The following FHOD3 variants were observed in gnomAD, a reference collection of about 807,000 sequenced individuals.
FHOD3 encodes FH1/FH2 domain-containing protein 3.
Under a neutral mutation model 173.0 loss-of-function variants are expected in FHOD3, and 90 were observed. That is an observed-to-expected ratio of 0.52 (90% CI 0.44 to 0.62). The LOEUF (loss-of-function observed/expected upper bound fraction) is 0.62. FHOD3 is among the 20% of genes least tolerant of loss of function. The pLI, the probability that FHOD3 is intolerant of heterozygous loss-of-function variation, is 0.00. For missense variants in FHOD3, 1,945 were observed against 2,034.7 expected (o/e 0.96, Z 0.85); for synonymous variants, 828 against 823.0 (o/e 1.01, Z -0.10).
At chr18:36,356,047 T>C (rs1261932343) in intron 2 of FHOD3, among the ~76,000 whole-genome samples, 1 of 152,184 alleles carries the variant, frequency 6.6e-6, no homozygotes, top group Non-Finnish European at 1.5e-5. Context: ...CAGTAAGTCA[T>C]GATTGTGCCA....
chr18:36,311,002 A>C (rs2092243661), intron 1 of FHOD3, among the ~76,000 whole-genome samples: 1 of 152,170 alleles, frequency 6.6e-6, no homozygotes, highest in Non-Finnish European at 1.5e-5. Flanking sequence ...ATAAAAAATT[A>C]TTTTCATTTC....
At chr18:36,744,219 G>A (rs367811467) in intron 23 of FHOD3, 26 bp downstream of exon 23, 351 of 1,594,038 alleles carry the variant, frequency 2.2e-4, no homozygotes, top group Non-Finnish European at 1.8e-4. Context: ...CTGAGGAGTG[G>A]GCCTGGTCTC....
intron 3 of FHOD3, among the ~76,000 whole-genome samples, chr18:36,453,581 A>G (rs988335919): frequency 1.2e-4 from 18 of 152,242 alleles, no homozygotes; most frequent in African/African-American, 4.3e-4. Context: ...CCCTGTGGGG[A>G]CATGAATGTC....
chr18:36,575,269 C>A (rs1374200452), intron 5 of FHOD3, among the ~76,000 whole-genome samples: 1 of 152,208 alleles, frequency 6.6e-6, no homozygotes, highest in East Asian at 1.9e-4. Context: ...CTGTGCCCAG[C>A]CACTAATGTA....
chr18:36,709,639 C>A, intron 18 of FHOD3: 2 of 485,642 alleles, frequency 4.1e-6, no homozygotes, highest in Non-Finnish European at 7.3e-6. Flanking sequence ...CACCTCCACA[C>A]CTGGGGAAAA....
intron 14 of FHOD3, among the ~76,000 whole-genome samples, chr18:36,672,119 T>A (rs2037571587): frequency 6.6e-6 from 1 of 152,208 alleles, no homozygotes; most frequent in Non-Finnish European, 1.5e-5. Flanking sequence ...CAGTGGTATA[T>A]GAGTTTTGCT....
At chr18:36,596,613 G>A (rs2030475636) in intron 7 of FHOD3, among the ~76,000 whole-genome samples, 1 of 152,058 alleles carries the variant, frequency 6.6e-6, no homozygotes, top group African/African-American at 2.4e-5. Flanking sequence ...CCTTTAACTG[G>A]GGCTCCTATA....
At chr18:36,715,221 C>A (rs2040383350) in intron 18 of FHOD3, among the ~76,000 whole-genome samples, 1 of 152,218 alleles carries the variant, frequency 6.6e-6, no homozygotes, top group Admixed American at 6.5e-5. Context: ...ATAATTGAAT[C>A]ATGGGCGTGG....
intron 3 of FHOD3, among the ~76,000 whole-genome samples, chr18:36,448,756 A>G (rs1037972789): frequency 2.0e-5 from 3 of 152,082 alleles, no homozygotes; most frequent in African/African-American, 7.2e-5. Context: ...AGATGCTGAA[A>G]AGGAGCCTGG....
intron 3 of FHOD3, among the ~76,000 whole-genome samples, chr18:36,436,893 A>G (rs2050836652): frequency 1.3e-5 from 2 of 152,346 alleles, no homozygotes; most frequent in East Asian, 1.9e-4. Context: ...CCCTATTTTC[A>G]TCAACATACC....
intron 3 of FHOD3, among the ~76,000 whole-genome samples, chr18:36,405,833 T>C (rs2049029830): frequency 6.6e-6 from 1 of 152,206 alleles, no homozygotes; most frequent in Non-Finnish European, 1.5e-5. Flanking sequence ...AATTGCATAA[T>C]AATTATTTTC....
chr18:36,722,952 A>C (rs2149821143), intron 19 of FHOD3, among the ~76,000 whole-genome samples: 1 of 152,070 alleles, frequency 6.6e-6, no homozygotes, highest in South Asian at 2.1e-4. Flanking sequence ...TTCCCCTCAG[A>C]AACCTGAATT....
At chr18:36,410,894 A>G (rs1298185669) in intron 3 of FHOD3, among the ~76,000 whole-genome samples, 1 of 152,098 alleles carries the variant, frequency 6.6e-6, no homozygotes, top group Non-Finnish European at 1.5e-5. Context: ...AGTTCTTTAT[A>G]TATTCTGGAT....
intron 20 of FHOD3, among the ~76,000 whole-genome samples, chr18:36,735,998 A>G (rs2041610448): frequency 6.6e-6 from 1 of 152,272 alleles, no homozygotes; most frequent in African/African-American, 2.4e-5. Context: ...GACGCTGTCT[A>G]GGCAAACGCT....
chr18:36,305,827 C>A (rs2092079495), intron 1 of FHOD3, among the ~76,000 whole-genome samples: 1 of 152,162 alleles, frequency 6.6e-6, no homozygotes, highest in African/African-American at 2.4e-5. Flanking sequence ...TCACTGACCA[C>A]AATTTTGACT....
intron 1 of FHOD3, among the ~76,000 whole-genome samples, chr18:36,315,790 A>G (rs2044087506): frequency 6.6e-6 from 1 of 152,028 alleles, no homozygotes. Context: ...AGTGCCGAGT[A>G]CTCAAGCAGA....
At chr18:36,325,949 T>C (rs2044648879) in intron 1 of FHOD3, among the ~76,000 whole-genome samples, 1 of 152,236 alleles carries the variant, frequency 6.6e-6, no homozygotes, top group South Asian at 2.1e-4. Context: ...AAAACTTTCT[T>C]CAGGGAAAGA....
At chr18:36,566,321 T>C (rs527796226) in intron 5 of FHOD3, among the ~76,000 whole-genome samples, 1 of 152,354 alleles carries the variant, frequency 6.6e-6, no homozygotes, top group South Asian at 2.1e-4. Flanking sequence ...TAAACATTTT[T>C]AAAAAATCAA....
chr18:36,612,054 G>C lies in FHOD3; in HGVS notation c.916G>C (p.Gly306Arg). The change falls in exon 9 of 29, where the codon GGG becomes CGG. Residue 306 changes from glycine to arginine, a missense_variant. Physicochemically the swap from Gly to Arg is moderately radical, Grantham distance 125. Coordinates refer to ENST00000590592, the MANE Select transcript of FHOD3 (RefSeq NM_001281740.3). ...GTCCCAGAGGCACTTGAACAAGAAA[G>C]GGACTGACCTGGACTTAGTGGAGCA... Reference protein sequence around the residue: ...AVSQRHLNKKGTDLDLVEQLN... With the variant: ...AVSQRHLNKKRTDLDLVEQLN... The C allele has an allele frequency of 6.2e-7, 1 of 1,614,174 alleles. No homozygotes were observed. Among genetic ancestry groups the C allele is most frequent in the Middle Eastern group, 1.6e-4 (1 of 6,062 alleles).
Sources: allele counts gnomAD v4.1 joint callset (sites outside exome capture counted in the v4.1 genomes callset), GRCh38; gene constraint gnomAD v4.1.1; transcripts MANE v1.5; gene names NCBI Gene and HGNC (gene_info 2026-07-23, HGNC 2026-07-21).